Variants in MCTP2 observed in about 807,000 individuals in gnomAD.
MCTP2 encodes multiple C2 and transmembrane domain-containing protein 2.
A neutral mutation model predicts 111.6 loss-of-function variants in MCTP2; 132 were observed. The observed-to-expected ratio is 1.18, with a 90% CI of 1.03 to 1.37. The LOEUF is 1.37. Ranked by LOEUF, MCTP2 falls within the 40% of genes most tolerant of loss-of-function variation. The pLI is 0.00. For synonymous variants in MCTP2, 395 were observed against 387.7 expected, an observed-to-expected ratio of 1.02 and a Z score of -0.22; for missense variants, 1,183 against 1,067.9, an observed-to-expected ratio of 1.11 and a Z score of -1.50.
rs767333494 is a variant in MCTP2 at position 94,398,978 on chromosome 15, G to A, written c.1806G>A (p.Pro602=). 23 of 1,554,868 alleles carry A rather than the reference G, an allele frequency of 1.5e-5. No homozygotes were observed. The highest frequency in any genetic ancestry group is 2.7e-5 in the African/African-American group (2 of 73,622). The change falls in exon 15 of 23, where the codon CCG becomes CCA. Residue 602 remains proline, a synonymous_variant. Transcript: ENST00000357742. The part of the protein sequence containing the change: ...IPLLSIRDGQ[P]NCYVLKNKDL... ...TGTGACAGATTAGAGATGGACAACC[G>A]AATTGTTATGTACTAAAGAATAAAG...
intron 1 of MCTP2, among the ~76,000 whole-genome samples, chr15:94,250,258 A>T (rs2072316867): frequency 2.0e-5 from 3 of 152,178 alleles, no homozygotes; most frequent in Admixed American, 2.0e-4. Flanking sequence ...GTATGTGTGT[A>T]TCTAAAAATA....
chr15:94,256,434 T>C (rs1007169334), intron 1 of MCTP2, among the ~76,000 whole-genome samples: 6 of 152,196 alleles, frequency 3.9e-5, no homozygotes, highest in African/African-American at 1.4e-4. Flanking sequence ...CCCATGTCTG[T>C]TGGATGAATA....
Position 94,456,569 on chromosome 15 carries a change from G to C in MCTP2, c.2251-1568G>C, listed in dbSNP as rs1435700240. Among the ~76,000 whole-genome samples, 2 of 152,188 alleles carry C rather than the reference G, an allele frequency of 1.3e-5. 1 individual carries two copies. Among genetic ancestry groups the C allele is most frequent in the African/African-American group, 4.8e-5 (2 of 41,444 alleles). ...CATTAATAGATGTCGGTGGACTCAT[G>C]AATTAGTACGCTCTGGCAGCATATC... On this transcript the variant is annotated intron_variant, in intron 19 of 22. Transcript: ENST00000357742.
chr15:94,241,586 A>G (rs1364100982), intron 1 of MCTP2, among the ~76,000 whole-genome samples: 1 of 152,158 alleles, frequency 6.6e-6, no homozygotes, highest in Non-Finnish European at 1.5e-5. Flanking sequence ...TTTTTAAAGT[A>G]TGTGATTAAG....
At chr15:94,354,904 G>A (rs1178107540) in intron 8 of MCTP2, among the ~76,000 whole-genome samples, 1 of 152,190 alleles carries the variant, frequency 6.6e-6, no homozygotes, top group Non-Finnish European at 1.5e-5. Flanking sequence ...AGCGAGCGAT[G>A]ACAGGAATGA....
chr15:94,314,985 A>G (rs2076315707), intron 3 of MCTP2: 2 of 326,256 alleles, frequency 6.1e-6, no homozygotes, highest in African/African-American at 2.2e-5. Flanking sequence ...CCCAGGGAAG[A>G]GCATGTGTCA....
At chr15:94,391,465 T>A (rs1404284611) in intron 14 of MCTP2, among the ~76,000 whole-genome samples, 1 of 152,218 alleles carries the variant, frequency 6.6e-6, no homozygotes, top group Non-Finnish European at 1.5e-5. Context: ...ATAGATTTGG[T>A]TGGCAAATTC....
intron 20 of MCTP2, among the ~76,000 whole-genome samples, chr15:94,459,407 A>G (rs1284579900): frequency 6.6e-6 from 1 of 152,224 alleles, no homozygotes; most frequent in African/African-American, 2.4e-5. Flanking sequence ...TCAGTTGCAC[A>G]GCCAATGACA....
chr15:94,419,729 C>T (rs1219193712), intron 17 of MCTP2, among the ~76,000 whole-genome samples: 2 of 150,926 alleles, frequency 1.3e-5, no homozygotes, highest in East Asian at 3.9e-4. Flanking sequence ...TCAGGCTTCA[C>T]TTTATTGCAC....
chr15:94,402,283 T>A, intron 17 of MCTP2: 1 of 981,664 alleles, frequency 1.0e-6, no homozygotes. Context: ...AGCCCTGCAT[T>A]GTGTGTATTT....
chr15:94,352,585 C>G (rs1253847915), intron 8 of MCTP2, among the ~76,000 whole-genome samples: 1 of 152,182 alleles, frequency 6.6e-6, no homozygotes, highest in Non-Finnish European at 1.5e-5. Flanking sequence ...TTTTCACTAT[C>G]TCTTGGCGTC....
chr15:94,423,351 G>A (rs924496223), intron 17 of MCTP2, among the ~76,000 whole-genome samples: 7 of 152,090 alleles, frequency 4.6e-5, no homozygotes, highest in Admixed American at 2.6e-4. Flanking sequence ...CAGCTAGTAC[G>A]GTAGAGCCAT....
At chr15:94,323,690 C>T (rs1034743866) in intron 4 of MCTP2, among the ~76,000 whole-genome samples, 1 of 152,154 alleles carries the variant, frequency 6.6e-6, no homozygotes, top group African/African-American at 2.4e-5. Context: ...AAGAACGAGT[C>T]TTACTCTGAT....
In MCTP2 at chr15:94,298,671, A is replaced by T. The variant is rs768510928; in HGVS notation, c.406A>T (p.Asn136Tyr). ...SPAERRRVSS[N>Y]GIFDLQKTSL... Reference sequence around the variant, plus strand: ...TGCTGAGCGGAGACGGGTGTCCAGCAACGGCATCTTTGATCTTCAGAAAAC... The same window carrying T: ...TGCTGAGCGGAGACGGGTGTCCAGCTACGGCATCTTTGATCTTCAGAAAAC... The change falls in exon 2 of 23, where the codon AAC (asparagine) becomes TAC (tyrosine). Residue 136 changes from asparagine to tyrosine, a missense_variant. Asn to Tyr is a moderately radical substitution (Grantham distance 143). Transcript: ENST00000357742. 3.7e-5 allele frequency: 60 copies of T among 1,613,534 alleles called. No homozygotes were observed. The highest frequency in any genetic ancestry group is 4.8e-5 in the Non-Finnish European group (57 of 1,179,888).
Position 94,482,747 on chromosome 15 carries a change from T to C in MCTP2, c.*3713T>C, listed in dbSNP as rs1009767006. On this transcript the variant is annotated 3_prime_UTR_variant, in exon 23 of 23. Transcript: ENST00000357742. ...GAAGAACTCAACAGTTAATGTCATA[T>C]ATAGAAAGGCAAGTCAGTTAAGAGT... The C allele has an allele frequency of 6.6e-6, 1 of 152,202 alleles. No homozygotes were observed. Among genetic ancestry groups the C allele is most frequent in the African/African-American group, 2.4e-5 (1 of 41,444 alleles). 9.4% of individuals were successfully genotyped at this position (152,202 alleles called of 1,614,324 possible).
chr15:94,379,887 TAA>T (rs1247311487), intron 12 of MCTP2, among the ~76,000 whole-genome samples: 3 of 146,622 alleles, frequency 2.0e-5, no homozygotes, highest in African/African-American at 7.5e-5. Context: ...TACTTATATA[TAA>T]TATATATGAT....
Position 94,314,436 on chromosome 15 carries a change from T to TAA in MCTP2, c.528+107_528+108dup, listed in dbSNP as rs35800874. ...GTATTTTTTTTGCCTCTTTTATTGC[T>TAA]AAAAAAAAAAAAAAAATGCCAAACC... On this transcript the variant is annotated intron_variant, in intron 3 of 22. Coordinates refer to ENST00000357742, the MANE Select transcript of MCTP2 (RefSeq NM_001385001.1). 8.7e-3 allele frequency: 5,353 copies of TAA among 617,012 alleles called. 3 individuals carry two copies. Among genetic ancestry groups the TAA allele is most frequent in the South Asian group, 0.011 (439 of 38,824 alleles). The allele number at this position is 617,012 out of a possible 1,614,324, so 38.2% of individuals were successfully genotyped here.
intron 1 of MCTP2, chr15:94,293,103 A>G (rs1596284330): frequency 6.6e-6 from 1 of 152,170 alleles, no homozygotes; most frequent in African/African-American, 2.4e-5. Flanking sequence ...AAACTATATT[A>G]CTATTAGAAA....
In MCTP2 at chr15:94,303,875, TCTGA is replaced by T. The variant is rs545332525; in HGVS notation, c.465+5150_465+5153del. ...CATTTTCATAGCATGTCACTTTTAC[TCTGA>T]CTGAGCACTAACCTCAGTCTGTTCT... On this transcript the variant is annotated intron_variant, in intron 2 of 22. Transcript: ENST00000357742. Among the ~76,000 whole-genome samples, 210 of 152,302 alleles carry T rather than the reference TCTGA, an allele frequency of 1.4e-3. 1 individual carries two copies. The highest frequency in any genetic ancestry group is 1.6e-3 in the Non-Finnish European group (112 of 68,024).
Sources: allele counts gnomAD v4.1 joint callset (sites outside exome capture counted in the v4.1 genomes callset), GRCh38; gene constraint gnomAD v4.1.1; transcripts MANE v1.5; gene names NCBI Gene and HGNC (gene_info 2026-07-23, HGNC 2026-07-21).